KLK15: variants seen among roughly 807,000 people sequenced by gnomAD.
KLK15 encodes kallikrein-15.
A neutral mutation model predicts 21.1 loss-of-function variants in KLK15; 19 were observed. The observed-to-expected ratio is 0.90, with a 90% CI of 0.63 to 1.32. The LOEUF (loss-of-function observed/expected upper bound fraction) is 1.32, where lower values mean the gene tolerates loss of function less well. Ranked by LOEUF, KLK15 falls within the 40% of genes most tolerant of loss-of-function variation. KLK15 has a pLI of 0.00. For synonymous variants in KLK15, 141 were observed against 141.5 expected, an observed-to-expected ratio of 1.00 and a Z score of 0.03; for missense variants, 345 against 348.6, an observed-to-expected ratio of 0.99 and a Z score of 0.08.
exon 3 of KLK15, chr19:50,827,103 G>T: frequency 6.2e-7 from 1 of 1,605,026 alleles, no homozygotes. Flanking sequence ...GTGGTCCGTA[G>T]TTGCTCTGGG....
intron 1 of KLK15, among the ~76,000 whole-genome samples, chr19:50,830,848 G>T (rs535628017): frequency 6.6e-6 from 1 of 151,892 alleles, no homozygotes; most frequent in Non-Finnish European, 1.5e-5. Context: ...ACACATAGAC[G>T]TTGTATGTAA....
chr19:50,827,127 G>A (rs758236941), exon 3 of KLK15: 3 of 1,599,562 alleles, frequency 1.9e-6, no homozygotes, highest in African/African-American at 1.3e-5. Flanking sequence ...TCGCGCTTGC[G>A]CAGGTTGTGC....
intron 1 of KLK15, chr19:50,830,649 C>G (rs1459204611): frequency 1.2e-5 from 2 of 173,042 alleles, no homozygotes; most frequent in South Asian, 1.8e-4. Context: ...TCATTTGTGG[C>G]AGAACGTTAA....
upstream of KLK15, among the ~76,000 whole-genome samples, chr19:50,832,785 C>T (rs1335062019): frequency 5.3e-5 from 8 of 152,166 alleles, no homozygotes; most frequent in African/African-American, 1.4e-4. Context: ...CTTCCAGCCC[C>T]GCTTCCTCCT....
At chr19:50,832,451 C>A (rs1460299586), upstream of KLK15, among the ~76,000 whole-genome samples, 1 of 151,150 alleles carries the variant, frequency 6.6e-6, no homozygotes, top group East Asian at 1.9e-4. Context: ...GCCTCCCAAG[C>A]AATTGGGATT....
rs895375895 is a variant in KLK15, at chr19:50,829,461, A to G, written c.44-1646T>C. Among the ~76,000 whole-genome samples, 17 of 151,844 alleles carry G rather than the reference A, an allele frequency of 1.1e-4. 1 individual carries two copies. Among genetic ancestry groups the G allele is most frequent in the Admixed American group, 7.9e-4 (12 of 15,176 alleles). Reference sequence around the variant, plus strand: ...CAGGTCCATCCTGGAGATGGCCAACATAAGTCAGACATCTGCACAGAATTA... The same window carrying G: ...CAGGTCCATCCTGGAGATGGCCAACGTAAGTCAGACATCTGCACAGAATTA... On this transcript the variant is annotated intron_variant, in intron 1 of 4. Transcript: ENST00000598239.
chr19:50,827,096 G>C (rs2089896724), exon 3 of KLK15: 1 of 1,605,428 alleles, frequency 6.2e-7, no homozygotes, highest in African/African-American at 1.3e-5. Context: ...CCGAGACGTG[G>C]TCCGTAGTTG....
intron 1 of KLK15, among the ~76,000 whole-genome samples, chr19:50,829,816 C>CA (rs1377516139): frequency 2.0e-5 from 3 of 150,658 alleles, no homozygotes; most frequent in Non-Finnish European, 4.4e-5. Context: ...GACTCCGTCT[C>CA]AAAAAAAACC....
chr19:50,826,222 T>C, intron 4 of KLK15: 1 of 477,906 alleles, frequency 2.1e-6, no homozygotes, highest in Non-Finnish European at 3.7e-6. Context: ...TAAATCCAAC[T>C]CAGCCCACAT....
At chr19:50,833,506 G>C (rs536813694), upstream of KLK15, among the ~76,000 whole-genome samples, 2 of 152,272 alleles carry the variant, frequency 1.3e-5, no homozygotes, top group African/African-American at 4.8e-5. Flanking sequence ...CCCTCCCTCA[G>C]TCTTGTCTCA....
At chr19:50,832,327 T>TC (rs1555766961), upstream of KLK15, among the ~76,000 whole-genome samples, 18 of 134,124 alleles carry the variant, frequency 1.3e-4, no homozygotes, top group South Asian at 4.6e-4. Context: ...TTTTTCTTTT[T>TC]TTTTTTTTTT....
chr19:50,831,619 A>C (rs1411031261), upstream of KLK15: 1 of 686,758 alleles, frequency 1.5e-6, no homozygotes, highest in South Asian at 3.4e-5. Flanking sequence ...CTGTTAATAA[A>C]TTTCTTCTGA....
chr19:50,827,911 C>T, intron 1 of KLK15, 96 bp from the exon 3 acceptor site: 7 of 1,193,246 alleles, frequency 5.9e-6, no homozygotes, highest in Non-Finnish European at 8.5e-6. Context: ...ATGCCTATGC[C>T]TTTCCCCTAA....
rs1417635968 is a variant in KLK15, at chr19:50,828,039, G to A, written c.44-224C>T. Among the ~76,000 whole-genome samples the A allele has an allele frequency of 3.3e-5, 5 of 151,546 alleles. 1 individual carries two copies. The highest frequency in any genetic ancestry group is 2.1e-4 in the South Asian group (1 of 4,786). On this transcript the variant is annotated intron_variant, in intron 1 of 4. Coordinates refer to ENST00000598239, the Ensembl canonical transcript of KLK15. ...ATGATCTCAGCTCACTGCAACTTCCGCCTCCTGGGTTCAAGTGATCCTCCT... is the reference window on the plus strand; with the variant it reads ...ATGATCTCAGCTCACTGCAACTTCCACCTCCTGGGTTCAAGTGATCCTCCT...
chr19:50,826,507 A>G lies in KLK15; in HGVS notation c.618+114T>C, dbSNP rs1322286609. 1.3e-5 allele frequency: 17 copies of G among 1,307,928 alleles called. No homozygotes were observed. In the Admixed American group the frequency reaches 3.5e-4, roughly 27 times the overall value. The allele number at this position is 1,307,928 out of a possible 1,614,324, so 81.0% of individuals were successfully genotyped here. ...AACTTCTCTTCCTACTCCATCTCCA[A>G]GCCTAACCCTAGCATCTTCTCTGGC... is the stretch of plus-strand genomic sequence containing the variant. On this transcript the variant is annotated intron_variant, in intron 4 of 4. Coordinates refer to ENST00000598239, the Ensembl canonical transcript of KLK15.
At chr19:50,826,895 C>T (rs765876178) in exon 3 of KLK15, 10 of 1,563,724 alleles carry the variant, frequency 6.4e-6, no homozygotes, top group Admixed American at 1.8e-5. Context: ...CCGGGGGCTC[C>T]CAGCGGTCCC....
chr19:50,831,466 G>A, exon 1 of KLK15: 1 of 1,446,560 alleles, frequency 6.9e-7, no homozygotes, highest in Non-Finnish European at 9.0e-7. Flanking sequence ...ATGCCAGCAG[G>A]AAGGAGAGAG....
chr19:50,833,165 T>C (rs1312138247), upstream of KLK15: 3 of 152,324 alleles, frequency 2.0e-5, no homozygotes, highest in African/African-American at 4.8e-5. Context: ...GGTCAGGTTC[T>C]TTCTGTGACC....
intron 1 of KLK15, among the ~76,000 whole-genome samples, chr19:50,828,712 A>G (rs1187012733): frequency 6.6e-6 from 1 of 151,600 alleles, no homozygotes; most frequent in Non-Finnish European, 1.5e-5. Flanking sequence ...TCATGCCTGT[A>G]ATCCCAGCAC....
Sources: gnomAD v4.1 joint callset for allele counts (sites outside exome capture counted in the v4.1 genomes callset) on GRCh38, gnomAD v4.1.1 for gene constraint, MANE v1.5 for transcripts, NCBI Gene and HGNC (gene_info 2026-07-23, HGNC 2026-07-21) for gene names.